SYTL2: variants seen among roughly 807,000 people sequenced by gnomAD.
The protein encoded by SYTL2 is synaptotagmin like 2.
In SYTL2, 165 loss-of-function variants were observed where a neutral mutation model predicts 198.7. The ratio of observed to expected loss-of-function variants is 0.83; its 90% CI spans 0.73 to 0.94. The LOEUF (loss-of-function observed/expected upper bound fraction) is 0.94. SYTL2 is among the 40% of genes least tolerant of loss of function. The pLI is 0.00. For missense variants in SYTL2, 2,835 were observed against 2,582.8 expected, an observed-to-expected ratio of 1.10 and a Z score of -2.12; for synonymous variants, 966 against 917.7, an observed-to-expected ratio of 1.05 and a Z score of -0.95.
the SYTL2 span, among the ~76,000 whole-genome samples, chr11:85,832,021 T>A: frequency 6.6e-6 from 1 of 152,204 alleles, no homozygotes. Flanking sequence ...ATTATTATCT[T>A]TATATAGTGA....
At chr11:85,729,434 A>C (rs1332515528) in intron 7 of SYTL2, among the ~76,000 whole-genome samples, 1 of 152,172 alleles carries the variant, frequency 6.6e-6, no homozygotes, top group Non-Finnish European at 1.5e-5. Flanking sequence ...GGATTAAGAA[A>C]CTCACTCAAA....
chr11:85,698,106 T>G, intron 17 of SYTL2, 28 bp from the exon 18 acceptor site: 1 of 1,502,302 alleles, frequency 6.7e-7, no homozygotes, highest in Non-Finnish European at 9.3e-7. Context: ...GAGAAAATTT[T>G]CACTGCCAGT....
At position 85,726,401 on chromosome 11, in the gene SYTL2, C is replaced by G; in HGVS notation, c.2957G>C (p.Arg986Thr). The G allele has an allele frequency of 1.9e-6, 3 of 1,613,206 alleles. No homozygotes were observed. The South Asian group carries it at 3.3e-5, about 18-fold the overall frequency. Residue 986 changes from arginine to threonine, a missense_variant, in exon 8 of 20, where the codon AGA (arginine) becomes ACA (threonine). Physicochemically the swap from Arg to Thr is moderately conservative, Grantham distance 71 (BLOSUM62 -1). Around this residue, in one of 3 missense-constraint regions of SYTL2, gnomAD observed 2,645 missense variants for 2,381.7 expected, o/e 1.11. Coordinates refer to ENST00000359152, the MANE Select transcript of SYTL2 (RefSeq NM_206927.4). ...VYNPSQFENL[R>T]KFWDLEANSN... ...ATTAGCTTCTAAGTCCCAAAACTTT[C>G]TCAAATTCTCAAACTGAGAGGGATT...
rs1591817975 is a variant in SYTL2 at position 85,736,630 on chromosome 11, T to G, written c.472-15A>C. The G allele has an allele frequency of 7.2e-7, 1 of 1,381,424 alleles. No individual in the cohort carries two copies. The highest frequency in any genetic ancestry group is 1.0e-6 in the Non-Finnish European group (1 of 973,552). The allele number at this position is 1,381,424 out of a possible 1,614,324, so 85.6% of individuals were successfully genotyped here. A position where few individuals can be genotyped will look rare whatever the true frequency, so the allele number is the denominator to read the frequency against. ...TTCTTCCTCTGCTGGGGACAAATATTGTTTATTAAACTTATTTTAAATGTC... is the reference window on the plus strand; with the variant it reads ...TTCTTCCTCTGCTGGGGACAAATATGGTTTATTAAACTTATTTTAAATGTC... On this transcript the variant is annotated splice_polypyrimidine_tract_variant and intron_variant, in intron 5 of 19. Coordinates refer to ENST00000359152, the MANE Select transcript of SYTL2 (RefSeq NM_206927.4).
intron 1 of SYTL2, among the ~76,000 whole-genome samples, chr11:85,772,065 G>A (rs1050716943): frequency 6.6e-6 from 1 of 152,050 alleles, no homozygotes; most frequent in African/African-American, 2.4e-5. Context: ...ACAACGCCTG[G>A]CTAATTTTTT....
chr11:85,754,922 A>T lies in SYTL2; in HGVS notation c.101+2703T>A, dbSNP rs139651786. 8.9e-4 allele frequency among the ~76,000 whole-genome samples: 136 copies of T among 152,314 alleles called. 2 individuals carry two copies. Among genetic ancestry groups the T allele is most frequent in the African/African-American group, 3.1e-3 (129 of 41,570 alleles). ...AAAGCACCGGCCCAAGAGATTTCTCATCATGGCTTTGGCACTGACTTAATG... is the reference window on the plus strand; with the variant it reads ...AAAGCACCGGCCCAAGAGATTTCTCTTCATGGCTTTGGCACTGACTTAATG... On this transcript the variant is annotated intron_variant, in intron 2 of 19. Coordinates refer to ENST00000359152, the MANE Select transcript of SYTL2 (RefSeq NM_206927.4).
the SYTL2 span, among the ~76,000 whole-genome samples, chr11:85,842,326 C>A: frequency 2.0e-5 from 3 of 152,206 alleles, no homozygotes; most frequent in African/African-American, 7.2e-5. Context: ...GCATGGTTAG[C>A]CCCTGTAGGC....
chr11:85,781,975 T>C (rs1298496789), intron 1 of SYTL2, among the ~76,000 whole-genome samples: 1 of 152,220 alleles, frequency 6.6e-6, no homozygotes, highest in Non-Finnish European at 1.5e-5. Flanking sequence ...TGGAGGATAG[T>C]AGCCCTCTTC....
intron 17 of SYTL2, among the ~76,000 whole-genome samples, chr11:85,699,212 T>C (rs569967248): frequency 6.6e-6 from 1 of 152,346 alleles, no homozygotes; most frequent in African/African-American, 2.4e-5. Flanking sequence ...TTCTAGAAGA[T>C]GATATGATCA....
intron 10 of SYTL2, chr11:85,718,358 C>G (rs983107359): frequency 2.9e-5 from 5 of 170,406 alleles, no homozygotes; most frequent in African/African-American, 1.2e-4. Flanking sequence ...TTCTGGGACT[C>G]TTTCCTTTGA....
At chr11:85,753,260 T>C (rs187802339) in intron 2 of SYTL2, among the ~76,000 whole-genome samples, 1 of 152,174 alleles carries the variant, frequency 6.6e-6, no homozygotes, top group Non-Finnish European at 1.5e-5. Flanking sequence ...AGACACAGGA[T>C]AGGGGTGGAA....
At chr11:85,731,300 A>G (rs1350318094) in intron 7 of SYTL2, among the ~76,000 whole-genome samples, 1 of 152,240 alleles carries the variant, frequency 6.6e-6, no homozygotes, top group Non-Finnish European at 1.5e-5. Flanking sequence ...AAAAGAACAA[A>G]GCTGGAGGCA....
At chr11:85,770,242 T>C (rs1015743899) in intron 1 of SYTL2, among the ~76,000 whole-genome samples, 2 of 152,188 alleles carry the variant, frequency 1.3e-5, no homozygotes, top group African/African-American at 4.8e-5. Flanking sequence ...GGTGACACTA[T>C]GGATGCTTTC....
At chr11:85,758,504 C>T (rs186521995) in intron 1 of SYTL2, among the ~76,000 whole-genome samples, 78 of 152,322 alleles carry the variant, frequency 5.1e-4, no homozygotes, top group Admixed American at 1.9e-3. Flanking sequence ...ATGCTCACCT[C>T]TTCACAAGTA....
Position 85,709,329 on chromosome 11 carries a change from AC to A in SYTL2, c.5915+1del. ...AGGTAGGTGACTCTAAAATGTACTT[AC>A]GGGTCTGAACGCTGTTTTTTTACAT... On this transcript the variant is annotated splice_donor_variant, in intron 14 of 19. Transcript: ENST00000359152. LOFTEE classifies it high-confidence loss of function. 3.7e-6 allele frequency: 6 copies of A among 1,614,000 alleles called. No homozygotes were observed. Among genetic ancestry groups the A allele is most frequent in the Non-Finnish European group, 5.1e-6 (6 of 1,179,928 alleles).
chr11:85,747,064 CT>C (rs1354627900), intron 3 of SYTL2, among the ~76,000 whole-genome samples: 1 of 152,112 alleles, frequency 6.6e-6, no homozygotes, highest in Non-Finnish European at 1.5e-5. Context: ...CAGGGTAGAC[CT>C]TGACAAGGCT....
At chr11:85,846,442 T>C in the SYTL2 span, among the ~76,000 whole-genome samples, 1 of 152,134 alleles carries the variant, frequency 6.6e-6, no homozygotes, top group South Asian at 2.1e-4. Context: ...CGTTTTGTTT[T>C]TTTGAGACAG....
upstream of SYTL2, among the ~76,000 whole-genome samples, chr11:85,812,338 C>A (rs2093045601): frequency 6.6e-6 from 1 of 152,150 alleles, no homozygotes; most frequent in Non-Finnish European, 1.5e-5. Context: ...CCAAGGGCTT[C>A]AGTTAGTGCC....
the SYTL2 span, among the ~76,000 whole-genome samples, chr11:85,825,524 C>T: frequency 6.6e-5 from 10 of 152,156 alleles, no homozygotes; most frequent in Non-Finnish European, 1.5e-4. Flanking sequence ...TATAGGAAGA[C>T]CCCACAGGGG....
Sources: gnomAD v4.1 joint callset for allele counts (sites outside exome capture counted in the v4.1 genomes callset) on GRCh38, gnomAD v4.1.1 for gene constraint, gnomAD v4.1.1 regional missense constraint, MANE v1.5 for transcripts, NCBI Gene and HGNC (gene_info 2026-07-23, HGNC 2026-07-21) for gene names.